Variants in LCLAT1 observed in about 807,000 individuals in gnomAD.
LCLAT1 encodes the protein lysocardiolipin acyltransferase 1.
In LCLAT1, 11 loss-of-function variants were observed where a neutral mutation model predicts 30.7. The observed-to-expected ratio is 0.36, with a 90% CI of 0.23 to 0.59. The LOEUF is 0.59. LCLAT1 is among the 20% of genes least tolerant of loss of function. The probability of loss-of-function intolerance (pLI) is 0.77; values close to 1 mark genes in which losing one functional copy is unlikely to be tolerated. For synonymous variants in LCLAT1, 155 were observed against 151.3 expected (o/e 1.02, Z -0.18); for missense variants, 402 against 458.6 (o/e 0.88, Z 1.13).
chr2:30,567,967 C>G (rs1665569659), intron 4 of LCLAT1, 93 bp from the exon 5 acceptor site: 2 of 651,830 alleles, frequency 3.1e-6, no homozygotes, highest in South Asian at 2.1e-5. Context: ...TAATTAACAG[C>G]TATTTTTTAT....
intron 5 of LCLAT1, among the ~76,000 whole-genome samples, chr2:30,568,798 C>T (rs1192264977): frequency 2.8e-5 from 4 of 142,884 alleles, no homozygotes; most frequent in Non-Finnish European, 6.0e-5. Context: ...TGAGCCACGG[C>T]GCCCGGCCAA....
In LCLAT1 at chr2:30,640,741, TAA is replaced by T; in HGVS notation, c.*124_*125del. The T allele has an allele frequency of 8.1e-7, 1 of 1,238,638 alleles. No homozygotes were observed. The highest frequency in any genetic ancestry group is 1.1e-6 in the Non-Finnish European group (1 of 908,010). The allele number at this position is 1,238,638 out of a possible 1,614,324, so 76.7% of individuals were successfully genotyped here. A position where few individuals can be genotyped will look rare whatever the true frequency, so the allele number is the denominator to read the frequency against. Reference sequence around the variant, plus strand: ...ATTTCTTACTGCCATCATTATTTGTTAAAGATATTTTGCACTTAATTTTGTGG... The same window carrying T: ...ATTTCTTACTGCCATCATTATTTGTTAGATATTTTGCACTTAATTTTGTGG... On this transcript the variant is annotated 3_prime_UTR_variant, in exon 6 of 6. Coordinates refer to ENST00000379509, the MANE Select transcript of LCLAT1 (RefSeq NM_001002257.3).
intron 3 of LCLAT1, among the ~76,000 whole-genome samples, chr2:30,554,555 C>T (rs1039744234): frequency 6.6e-6 from 1 of 152,080 alleles, no homozygotes; most frequent in Non-Finnish European, 1.5e-5. Flanking sequence ...GTTTCCTCAT[C>T]CATAAAATAG....
intron 2 of LCLAT1, among the ~76,000 whole-genome samples, chr2:30,532,318 A>G (rs1052303928): frequency 1.4e-4 from 22 of 152,146 alleles, no homozygotes; most frequent in African/African-American, 5.1e-4. Flanking sequence ...TTGATTCTGT[A>G]TCGTATATTT....
In LCLAT1 at chr2:30,479,953, A is replaced by G. The variant is rs551453177; in HGVS notation, c.-5+32570A>G. On this transcript the variant is annotated intron_variant, in intron 1 of 5. Coordinates refer to ENST00000379509, the MANE Select transcript of LCLAT1 (RefSeq NM_001002257.3). ...TTTGCCTTAGTGATTGTATCTCTAA[A>G]ATGGAAATAATCCCTGCCTTCTGTA... is the stretch of plus-strand genomic sequence containing the variant. Among the ~76,000 whole-genome samples the G allele has an allele frequency of 3.9e-5, 6 of 152,348 alleles. No homozygotes were observed. The South Asian group carries it at 1.2e-3, about 32-fold the overall frequency.
intron 1 of LCLAT1, among the ~76,000 whole-genome samples, chr2:30,493,543 A>G (rs1469548705): frequency 6.6e-6 from 1 of 152,180 alleles, no homozygotes; most frequent in African/African-American, 2.4e-5. Flanking sequence ...AAATTTTTTT[A>G]ACTGACTTTT....
At chr2:30,578,038 T>A (rs879849632) in intron 5 of LCLAT1, among the ~76,000 whole-genome samples, 3 of 152,150 alleles carry the variant, frequency 2.0e-5, no homozygotes, top group Non-Finnish European at 4.4e-5. Context: ...GCCACACAAT[T>A]TCTTAGACAT....
chr2:30,455,976 T>TG (rs1170831831), intron 1 of LCLAT1, among the ~76,000 whole-genome samples: 1 of 151,152 alleles, frequency 6.6e-6, no homozygotes, highest in Admixed American at 6.6e-5. Context: ...CTGGAAGAGA[T>TG]TGTGTGAATT....
At chr2:30,572,359 C>T (rs139212099) in intron 5 of LCLAT1, among the ~76,000 whole-genome samples, 40 of 152,316 alleles carry the variant, frequency 2.6e-4, no homozygotes, top group Admixed American at 1.4e-3. Flanking sequence ...GAGTTGTGCA[C>T]GTTTCTTTAC....
intron 1 of LCLAT1, among the ~76,000 whole-genome samples, chr2:30,502,713 C>A (rs947881059): frequency 6.6e-6 from 1 of 151,894 alleles, no homozygotes; most frequent in Non-Finnish European, 1.5e-5. Flanking sequence ...TCATCTCTCT[C>A]TTTTTTTTAG....
intron 2 of LCLAT1, among the ~76,000 whole-genome samples, chr2:30,532,666 G>A (rs943459248): frequency 6.6e-6 from 1 of 150,672 alleles, no homozygotes; most frequent in Non-Finnish European, 1.5e-5. Flanking sequence ...CTATGTTTTT[G>A]TTTTTAAAAC....
At chr2:30,633,305 G>A (rs1270609943) in intron 5 of LCLAT1, among the ~76,000 whole-genome samples, 1 of 152,158 alleles carries the variant, frequency 6.6e-6, no homozygotes, top group Admixed American at 6.5e-5. Context: ...TCTAATCCAT[G>A]CAGTTAGATT....
chr2:30,499,697 T>A (rs1684275412), intron 1 of LCLAT1, among the ~76,000 whole-genome samples: 1 of 152,224 alleles, frequency 6.6e-6, no homozygotes, highest in African/African-American at 2.4e-5. Flanking sequence ...ATTATACTGT[T>A]CTGAAAATAG....
At chr2:30,605,177 T>C (rs1667379758) in intron 5 of LCLAT1, among the ~76,000 whole-genome samples, 1 of 152,254 alleles carries the variant, frequency 6.6e-6, no homozygotes, top group Non-Finnish European at 1.5e-5. Context: ...TAAGCATTTA[T>C]AGTGCGGAGA....
rs116682615 is a variant in LCLAT1 at position 30,459,347 on chromosome 2, G to T, written c.-5+11964G>T. 6.6e-3 allele frequency among the ~76,000 whole-genome samples: 1,009 copies of T among 152,234 alleles called. 10 individuals are homozygous for T. The highest frequency in any genetic ancestry group is 0.023 in the African/African-American group (958 of 41,554). Reference sequence around the variant, plus strand: ...TTTGTAGAGGTGGCATGCATATTGGGCTCTCACCTCAGTCTTTTGGCATTC... The same window carrying T: ...TTTGTAGAGGTGGCATGCATATTGGTCTCTCACCTCAGTCTTTTGGCATTC... On this transcript the variant is annotated intron_variant, in intron 1 of 5. Coordinates refer to ENST00000379509, the MANE Select transcript of LCLAT1 (RefSeq NM_001002257.3).
chr2:30,591,773 C>T (rs897877827), intron 5 of LCLAT1, among the ~76,000 whole-genome samples: 22 of 152,168 alleles, frequency 1.4e-4, no homozygotes, highest in Non-Finnish European at 3.1e-4. Flanking sequence ...ACCATTTCAG[C>T]TTTCTTTGCT....
intron 1 of LCLAT1, among the ~76,000 whole-genome samples, chr2:30,488,220 C>T (rs1351054310): frequency 3.3e-5 from 5 of 152,198 alleles, no homozygotes; most frequent in African/African-American, 1.2e-4. Flanking sequence ...GGTCTAGAGA[C>T]TGTGAATCAC....
chr2:30,562,113 T>C, intron 3 of LCLAT1, 33 bp from the exon 4 acceptor site: 1 of 1,535,938 alleles, frequency 6.5e-7, no homozygotes, highest in Non-Finnish European at 8.9e-7. Context: ...GCAATAAAAT[T>C]ATAGGTAAAT....
chr2:30,586,127 C>T (rs1468863255), intron 5 of LCLAT1, among the ~76,000 whole-genome samples: 2 of 151,654 alleles, frequency 1.3e-5, no homozygotes, highest in East Asian at 1.9e-4. Context: ...ACCTGTAGTC[C>T]CAGCTACTCC....
Sources: allele counts gnomAD v4.1 joint callset (sites outside exome capture counted in the v4.1 genomes callset), GRCh38; gene constraint gnomAD v4.1.1; transcripts MANE v1.5; gene names NCBI Gene and HGNC (gene_info 2026-07-23, HGNC 2026-07-21).